The following OR14I1 variants were observed in gnomAD, a reference collection of about 807,000 sequenced individuals.
The protein encoded by OR14I1 is olfactory receptor 14I1.
For missense variants in OR14I1, 279 were observed against 181.8 expected (o/e 1.53, Z -3.07); for synonymous variants, 118 against 71.1 (o/e 1.66, Z -3.32).
At chr1:248,686,458 A>C (rs1042194258), upstream of OR14I1, among the ~76,000 whole-genome samples, 1 of 151,988 alleles carries the variant, frequency 6.6e-6, no homozygotes, top group Non-Finnish European at 1.5e-5. Context: ...AGCAACACTG[A>C]GGAACAAAAC....
chr1:248,690,978 C>T, the OR14I1 span, among the ~76,000 whole-genome samples: 25 of 152,276 alleles, frequency 1.6e-4, no homozygotes, highest in Non-Finnish European at 3.2e-4. Flanking sequence ...ATAAACAGAA[C>T]CAATGACAAA....
downstream of OR14I1, among the ~76,000 whole-genome samples, chr1:248,680,766 G>A (rs773679772): frequency 6.6e-6 from 1 of 152,104 alleles, no homozygotes; most frequent in Admixed American, 6.6e-5. Flanking sequence ...AGAAACTGAG[G>A]CACTCAGTGA....
At chr1:248,696,429 T>A in the OR14I1 span, among the ~76,000 whole-genome samples, 1 of 152,178 alleles carries the variant, frequency 6.6e-6, no homozygotes, top group African/African-American at 2.4e-5. Flanking sequence ...TCTTTGCCCA[T>A]GACAGCAGGT....
downstream of OR14I1, among the ~76,000 whole-genome samples, chr1:248,679,364 T>C (rs560309195): frequency 1.3e-5 from 2 of 152,020 alleles, no homozygotes; most frequent in African/African-American, 2.4e-5. Context: ...GTGATGGTGA[T>C]GTTCTGTCGC....
the OR14I1 span, among the ~76,000 whole-genome samples, chr1:248,688,465 T>C: frequency 3.9e-5 from 6 of 152,366 alleles, no homozygotes; most frequent in African/African-American, 1.2e-4. Context: ...TGGAGATTTA[T>C]TCTGCTAAAT....
At chr1:248,680,377 C>T (rs550354328), downstream of OR14I1, among the ~76,000 whole-genome samples, 1 of 152,306 alleles carries the variant, frequency 6.6e-6, no homozygotes, top group East Asian at 1.9e-4. Context: ...AGGTCAGCCT[C>T]ACACACAACT....
At chr1:248,680,102 T>C (rs1410172441), downstream of OR14I1, among the ~76,000 whole-genome samples, 1 of 152,190 alleles carries the variant, frequency 6.6e-6, no homozygotes, top group African/African-American at 2.4e-5. Flanking sequence ...TTGTAGCACT[T>C]TGAGTAACTT....
chr1:248,699,563 G>A, the OR14I1 span, among the ~76,000 whole-genome samples: 35 of 152,230 alleles, frequency 2.3e-4, no homozygotes, highest in African/African-American at 8.4e-4. Flanking sequence ...AGAGGAAAAT[G>A]TCAGCAAGTA....
chr1:248,681,783 C>G, exon 1 of OR14I1: 3 of 781,106 alleles, frequency 3.8e-6, no homozygotes, highest in South Asian at 1.3e-5. Flanking sequence ...CACGGAAGAA[C>G]TGGTGGATCA....
the OR14I1 span, among the ~76,000 whole-genome samples, chr1:248,692,427 T>G: frequency 6.6e-6 from 1 of 152,246 alleles, no homozygotes; most frequent in Admixed American, 6.5e-5. Context: ...CGTTCCCACC[T>G]GCGTTTCCGC....
chr1:248,682,779 CTT>C (rs779316818), upstream of OR14I1, among the ~76,000 whole-genome samples: 4 of 152,060 alleles, frequency 2.6e-5, no homozygotes, highest in Non-Finnish European at 4.4e-5. Flanking sequence ...AGTCAACTGT[CTT>C]TAGCTATTTG....
the OR14I1 span, among the ~76,000 whole-genome samples, chr1:248,690,069 G>C: frequency 6.6e-6 from 1 of 152,186 alleles, no homozygotes; most frequent in Non-Finnish European, 1.5e-5. Flanking sequence ...CCGGGACACA[G>C]CTAAAGCAGT....
downstream of OR14I1, among the ~76,000 whole-genome samples, chr1:248,681,081 A>G (rs1035979793): frequency 6.6e-6 from 1 of 152,088 alleles, no homozygotes; most frequent in Middle Eastern, 3.4e-3. Context: ...CAGTTCGAAC[A>G]TGTGTGGAAT....
chr1:248,685,314 G>C (rs1459174021), upstream of OR14I1, among the ~76,000 whole-genome samples: 3 of 151,954 alleles, frequency 2.0e-5, no homozygotes, highest in South Asian at 6.2e-4. Flanking sequence ...TTTAAAACTG[G>C]GTTTTTGTTC....
At chr1:248,688,378 A>G in the OR14I1 span, among the ~76,000 whole-genome samples, 1 of 152,230 alleles carries the variant, frequency 6.6e-6, no homozygotes, top group Non-Finnish European at 1.5e-5. Flanking sequence ...GATTCCCTTT[A>G]GGGATGTAAA....
downstream of OR14I1, among the ~76,000 whole-genome samples, chr1:248,680,890 T>A (rs968541023): frequency 6.6e-6 from 1 of 151,960 alleles, no homozygotes; most frequent in Non-Finnish European, 1.5e-5. Context: ...AAAACATACG[T>A]TCCTGTTCTA....
the OR14I1 span, among the ~76,000 whole-genome samples, chr1:248,688,754 A>G: frequency 1.3e-5 from 2 of 152,240 alleles, no homozygotes; most frequent in Non-Finnish European, 2.9e-5. Context: ...GGGAAGTTTC[A>G]TAAGAGGTGT....
chr1:248,693,781 A>T, the OR14I1 span, among the ~76,000 whole-genome samples: 5 of 95,080 alleles, frequency 5.3e-5, no homozygotes, highest in African/African-American at 2.8e-4. Flanking sequence ...AAGCTCATTT[A>T]AAAAAAAAAA....
At chr1:248,681,780 G>T (rs1198690250) in exon 1 of OR14I1, 4 of 781,006 alleles carry the variant, frequency 5.1e-6, no homozygotes, top group Non-Finnish European at 9.6e-6. Flanking sequence ...TGTCACGGAA[G>T]AACTGGTGGA....
Sources: allele counts gnomAD v4.1 joint callset (sites outside exome capture counted in the v4.1 genomes callset), GRCh38; gene constraint gnomAD v4.1.1; transcripts MANE v1.5; gene names NCBI Gene and HGNC (gene_info 2026-07-23, HGNC 2026-07-21).